Variants in VDAC1 observed in about 807,000 individuals in gnomAD.
VDAC1 encodes voltage dependent anion channel 1.
Under a neutral mutation model 34.7 loss-of-function variants are expected in VDAC1, and 10 were observed. That is an observed-to-expected ratio of 0.29 (90% CI 0.18 to 0.49). The LOEUF is 0.49. Ranked by LOEUF, VDAC1 falls within the 20% of genes least tolerant of loss-of-function variation. The pLI is 0.99. For missense variants in VDAC1, 230 were observed against 347.9 expected (o/e 0.66, Z 2.69); for synonymous variants, 130 against 136.0 (o/e 0.96, Z 0.30).
At chr5:134,026,696 A>G in the VDAC1 span, among the ~76,000 whole-genome samples, 1 of 152,110 alleles carries the variant, frequency 6.6e-6, no homozygotes, top group African/African-American at 2.4e-5. Flanking sequence ...CTGGCAGGCA[A>G]GTTGCCTCCC....
At chr5:134,078,901 T>C in the VDAC1 span, among the ~76,000 whole-genome samples, 1 of 152,028 alleles carries the variant, frequency 6.6e-6, no homozygotes, top group East Asian at 1.9e-4. Flanking sequence ...TTTGCCCACC[T>C]CAGCCTCCCA....
the VDAC1 span, among the ~76,000 whole-genome samples, chr5:134,113,992 G>C: frequency 6.6e-6 from 1 of 152,350 alleles, no homozygotes; most frequent in East Asian, 1.9e-4. Flanking sequence ...CTGGGACTTG[G>C]AGGATCGGCT....
chr5:134,001,891 CCT>C (rs1753572351), intron 1 of VDAC1, among the ~76,000 whole-genome samples: 1 of 152,048 alleles, frequency 6.6e-6, no homozygotes, highest in African/African-American at 2.4e-5. Context: ...TCCCAAACCC[CCT>C]GAGTACGTGG....
At chr5:134,040,710 G>A in the VDAC1 span, among the ~76,000 whole-genome samples, 1 of 152,244 alleles carries the variant, frequency 6.6e-6, no homozygotes, top group African/African-American at 2.4e-5. Flanking sequence ...CTGGGCGACA[G>A]AGCGAGATTC....
chr5:133,977,766 C>G (rs1752534530), intron 6 of VDAC1, among the ~76,000 whole-genome samples: 1 of 152,188 alleles, frequency 6.6e-6, no homozygotes, highest in South Asian at 2.1e-4. Context: ...GTTAAAGTGG[C>G]TGCCACTGCG....
the VDAC1 span, among the ~76,000 whole-genome samples, chr5:134,066,296 C>A: frequency 6.6e-6 from 1 of 152,102 alleles, no homozygotes; most frequent in Non-Finnish European, 1.5e-5. Flanking sequence ...GCCACCATGC[C>A]CGGCCGATAG....
At chr5:134,035,981 G>A in the VDAC1 span, among the ~76,000 whole-genome samples, 3 of 143,714 alleles carry the variant, frequency 2.1e-5, no homozygotes, top group South Asian at 2.2e-4. Context: ...ACTCCAACCC[G>A]GACAACAGAG....
chr5:134,053,829 T>C, the VDAC1 span, among the ~76,000 whole-genome samples: 1 of 152,206 alleles, frequency 6.6e-6, no homozygotes, highest in African/African-American at 2.4e-5. Flanking sequence ...AGGGCTTCTT[T>C]CCATTCTCTA....
At chr5:134,091,447 C>T in the VDAC1 span, among the ~76,000 whole-genome samples, 2 of 152,130 alleles carry the variant, frequency 1.3e-5, no homozygotes, top group Non-Finnish European at 2.9e-5. Flanking sequence ...CTTCACACAA[C>T]ATTGTGAACT....
At chr5:134,088,059 G>A in the VDAC1 span, among the ~76,000 whole-genome samples, 2 of 151,760 alleles carry the variant, frequency 1.3e-5, no homozygotes, top group African/African-American at 4.8e-5. Flanking sequence ...GGAGGCTGAG[G>A]CAGGAGAATC....
At chr5:134,013,568 G>T in the VDAC1 span, among the ~76,000 whole-genome samples, 8 of 152,232 alleles carry the variant, frequency 5.3e-5, no homozygotes, top group East Asian at 1.3e-3. Flanking sequence ...TACAAACTAC[G>T]CATCTAACAA....
chr5:133,973,470 G>T (rs1479963541), intron 8 of VDAC1, among the ~76,000 whole-genome samples: 1 of 152,188 alleles, frequency 6.6e-6, no homozygotes, highest in Non-Finnish European at 1.5e-5. Flanking sequence ...CAGTGGGGCT[G>T]ATTTATAAGT....
At chr5:133,997,152 G>A (rs866151700) in intron 1 of VDAC1, among the ~76,000 whole-genome samples, 2 of 152,102 alleles carry the variant, frequency 1.3e-5, no homozygotes, top group Admixed American at 1.3e-4. Context: ...TCTTGTTCAC[G>A]CCAAGGGGGA....
chr5:133,986,950 G>C (rs952434358), intron 5 of VDAC1, among the ~76,000 whole-genome samples: 1 of 152,200 alleles, frequency 6.6e-6, no homozygotes, highest in African/African-American at 2.4e-5. Flanking sequence ...AAATGTCCAT[G>C]CATCTATACT....
At chr5:134,069,679 C>T in the VDAC1 span, among the ~76,000 whole-genome samples, 9 of 152,044 alleles carry the variant, frequency 5.9e-5, no homozygotes, top group East Asian at 3.8e-4. Context: ...TTTGAGGGTT[C>T]GGGTTGGGTT....
At chr5:134,066,793 A>G in the VDAC1 span, among the ~76,000 whole-genome samples, 1 of 152,226 alleles carries the variant, frequency 6.6e-6, no homozygotes, top group Non-Finnish European at 1.5e-5. Context: ...AAGGGAATAG[A>G]AGAGAATTTC....
chr5:134,051,852 T>C, the VDAC1 span, among the ~76,000 whole-genome samples: 1 of 151,954 alleles, frequency 6.6e-6, no homozygotes, highest in East Asian at 1.9e-4. Flanking sequence ...GCACCTGTCA[T>C]CATGCCCAGC....
chr5:134,008,569 A>C (rs1332587326), upstream of VDAC1, among the ~76,000 whole-genome samples: 1 of 152,236 alleles, frequency 6.6e-6, no homozygotes, highest in Non-Finnish European at 1.5e-5. Context: ...TCAAAGTGGA[A>C]AGCAGCCAAT....
the VDAC1 span, among the ~76,000 whole-genome samples, chr5:134,015,319 C>T: frequency 6.6e-6 from 1 of 152,056 alleles, no homozygotes; most frequent in Admixed American, 6.6e-5. Flanking sequence ...CAGCACCATG[C>T]AATATACCCT....
Sources: allele counts gnomAD v4.1 joint callset (sites outside exome capture counted in the v4.1 genomes callset), GRCh38; gene constraint gnomAD v4.1.1; transcripts MANE v1.5; gene names NCBI Gene and HGNC (gene_info 2026-07-23, HGNC 2026-07-21).